The following ADAMTS20 variants were observed in gnomAD, a reference collection of about 807,000 sequenced individuals.
ADAMTS20 encodes A disintegrin and metalloproteinase with thrombospondin motifs 20.
ADAMTS20 carries 225 observed loss-of-function variants against 260.1 expected under a neutral mutation model. The ratio of observed to expected loss-of-function variants is 0.87; its 90% CI spans 0.78 to 0.97. ADAMTS20 has a LOEUF of 0.97. ADAMTS20 is among the 50% of genes least tolerant of loss of function. The pLI is 0.00. For synonymous variants in ADAMTS20, 802 were observed against 769.5 expected (o/e 1.04, Z -0.70); for missense variants, 2,400 against 2,337.7 (o/e 1.03, Z -0.55).
chr12:43,450,709 C>G (rs202003298), intron 14 of ADAMTS20, among the ~76,000 whole-genome samples: 1 of 144,170 alleles, frequency 6.9e-6, no homozygotes, highest in Non-Finnish European at 1.5e-5. Flanking sequence ...ATAACTTATA[C>G]TTATATTTTT....
At chr12:43,528,221 C>T (rs928126590) in intron 3 of ADAMTS20, among the ~76,000 whole-genome samples, 1 of 151,622 alleles carries the variant, frequency 6.6e-6, no homozygotes, top group Non-Finnish European at 1.5e-5. Flanking sequence ...ACATCCCATG[C>T]TCATGGATTG....
At chr12:43,503,374 G>C (rs971943893) in intron 3 of ADAMTS20, among the ~76,000 whole-genome samples, 1 of 151,854 alleles carries the variant, frequency 6.6e-6, no homozygotes, top group African/African-American at 2.4e-5. Flanking sequence ...CAATAACCAA[G>C]ACATGGCTGT....
At chr12:43,388,330 C>A (rs1296272305) in intron 29 of ADAMTS20, among the ~76,000 whole-genome samples, 2 of 152,182 alleles carry the variant, frequency 1.3e-5, no homozygotes, top group Non-Finnish European at 2.9e-5. Flanking sequence ...TCCCGTCCTG[C>A]CTGCTTCTGT....
intron 37 of ADAMTS20, among the ~76,000 whole-genome samples, chr12:43,366,172 C>T (rs1317171099): frequency 6.6e-6 from 1 of 151,708 alleles, no homozygotes; most frequent in Non-Finnish European, 1.5e-5. Context: ...GCAATTCTAA[C>T]AGAGCTGGAG....
At position 43,371,071 on chromosome 12, in the gene ADAMTS20, A is replaced by G. The variant is rs563935545; in HGVS notation, c.5447-1690T>C. ...AATTCAATTGTATAGTTTAGTATGC[A>G]CTGTTCTTCATGATCTGCTCCCTGC... On this transcript the variant is annotated intron_variant, in intron 36 of 38. Transcript: ENST00000389420. 1.7e-4 allele frequency among the ~76,000 whole-genome samples: 26 copies of G among 152,270 alleles called. No homozygotes were observed. In the East Asian group the frequency reaches 4.6e-3, roughly 27 times the overall value.
intron 7 of ADAMTS20, among the ~76,000 whole-genome samples, chr12:43,480,970 CA>C (rs969165883): frequency 8.0e-5 from 12 of 150,804 alleles, no homozygotes; most frequent in African/African-American, 2.9e-4. Context: ...GATGTCTCAC[CA>C]AAAAAAAGAA....
At chr12:43,388,171 A>G (rs1940522220) in intron 29 of ADAMTS20, among the ~76,000 whole-genome samples, 1 of 152,084 alleles carries the variant, frequency 6.6e-6, no homozygotes, top group Non-Finnish European at 1.5e-5. Flanking sequence ...CACCTGAAGG[A>G]GTCTCCTGGT....
chr12:43,546,318 G>A (rs1363307765), intron 2 of ADAMTS20, among the ~76,000 whole-genome samples: 3 of 152,112 alleles, frequency 2.0e-5, no homozygotes, highest in African/African-American at 7.2e-5. Context: ...CCATGTATAA[G>A]TCAGATGCAA....
chr12:43,394,757 A>G (rs1282087585), intron 29 of ADAMTS20, among the ~76,000 whole-genome samples: 1 of 152,146 alleles, frequency 6.6e-6, no homozygotes, highest in Non-Finnish European at 1.5e-5. Context: ...AACGATAACT[A>G]GTATAATGGA....
Position 43,485,252 on chromosome 12 carries a change from A to C in ADAMTS20, c.1117+5143T>G, listed in dbSNP as rs1861721841. Among the ~76,000 whole-genome samples the C allele has an allele frequency of 1.3e-5, 2 of 152,132 alleles. 1 individual carries two copies. The highest frequency in any genetic ancestry group is 4.1e-4 in the South Asian group (2 of 4,834). On this transcript the variant is annotated intron_variant, in intron 7 of 38. Coordinates refer to ENST00000389420, the MANE Select transcript of ADAMTS20 (RefSeq NM_025003.5). ...TGATCAAAGAAGTTTAATTCTAAGA[A>C]TGCAGGGATGGTTCAACATAAACAA...
intron 4 of ADAMTS20, among the ~76,000 whole-genome samples, chr12:43,501,614 C>T (rs1194723230): frequency 6.6e-6 from 1 of 152,020 alleles, no homozygotes; most frequent in African/African-American, 2.4e-5. Flanking sequence ...ATAGTAACAT[C>T]AGATCAAGGA....
chr12:43,356,722 A>G, intron 37 of ADAMTS20, 134 bp from the exon 38 acceptor site: 1 of 569,710 alleles, frequency 1.8e-6, no homozygotes, highest in East Asian at 2.9e-5. Flanking sequence ...ACTCTGCCCA[A>G]CTCTAGGACT....
intron 6 of ADAMTS20, among the ~76,000 whole-genome samples, chr12:43,491,678 G>C (rs1302560889): frequency 1.3e-5 from 2 of 152,130 alleles, no homozygotes; most frequent in Middle Eastern, 3.2e-3. Context: ...AAGTAGGTTT[G>C]AGAACAACCC....
intron 2 of ADAMTS20, among the ~76,000 whole-genome samples, chr12:43,535,691 C>G: frequency 6.6e-6 from 1 of 152,138 alleles, no homozygotes; most frequent in African/African-American, 2.4e-5. Context: ...AGATACATAA[C>G]TTTTTTTAAT....
At chr12:43,418,772 CT>C (rs1565688456) in intron 28 of ADAMTS20, among the ~76,000 whole-genome samples, 7 of 152,142 alleles carry the variant, frequency 4.6e-5, no homozygotes, top group African/African-American at 1.7e-4. Context: ...AAATATTGAA[CT>C]ACAGCTTCTT....
chr12:43,384,408 T>C (rs1218571054), intron 29 of ADAMTS20, among the ~76,000 whole-genome samples: 1 of 152,230 alleles, frequency 6.6e-6, no homozygotes, highest in Non-Finnish European at 1.5e-5. Flanking sequence ...CATCTTTTTA[T>C]CTACAGTACC....
intron 4 of ADAMTS20, among the ~76,000 whole-genome samples, chr12:43,501,477 G>GCACACACACACACACACACA (rs1299065787): frequency 1.6e-5 from 1 of 62,192 alleles, no homozygotes; most frequent in Non-Finnish European, 3.9e-5. Context: ...GCGCGCGCGC[G>GCACACACACACACACACACA]CGCGCACACA....
intron 3 of ADAMTS20, among the ~76,000 whole-genome samples, chr12:43,518,808 C>T (rs1456582821): frequency 1.4e-5 from 2 of 138,138 alleles, no homozygotes; most frequent in African/African-American, 5.4e-5. Context: ...CATCCTTCCA[C>T]TGGCTCAGGA....
chr12:43,423,667 T>C, intron 28 of ADAMTS20: 1 of 695,270 alleles, frequency 1.4e-6, no homozygotes, highest in Admixed American at 2.0e-5. Context: ...GGATTTCCAA[T>C]CTAAGATAGC....
Sources: gnomAD v4.1 joint callset for allele counts (sites outside exome capture counted in the v4.1 genomes callset) on GRCh38, gnomAD v4.1.1 for gene constraint, MANE v1.5 for transcripts, NCBI Gene and HGNC (gene_info 2026-07-23, HGNC 2026-07-21) for gene names.